AJAP1: variants seen among roughly 807,000 people sequenced by gnomAD.
AJAP1 encodes the protein adherens junctions associated protein 1.
In AJAP1, 5 loss-of-function variants were observed where a neutral mutation model predicts 35.0. The observed-to-expected ratio is 0.14, with a 90% CI of 0.07 to 0.30. The LOEUF is 0.30. Ranked by LOEUF, AJAP1 falls within the 10% of genes least tolerant of loss-of-function variation. The pLI is 1.00. For missense variants in AJAP1, 586 were observed against 571.0 expected, an observed-to-expected ratio of 1.03 and a Z score of -0.27; for synonymous variants, 284 against 249.3, an observed-to-expected ratio of 1.14 and a Z score of -1.31.
chr1:4,733,304 G>T (rs1280160060), intron 2 of AJAP1, among the ~76,000 whole-genome samples: 2 of 151,920 alleles, frequency 1.3e-5, no homozygotes, highest in Non-Finnish European at 2.9e-5. Flanking sequence ...CTTCCCCAAG[G>T]CTGGATGGCC....
chr1:4,763,738 C>G (rs1488854677), intron 2 of AJAP1, among the ~76,000 whole-genome samples: 2 of 150,566 alleles, frequency 1.3e-5, no homozygotes, highest in Non-Finnish European at 1.5e-5. Context: ...CTCTCTTTCT[C>G]TACGCCCTTT....
At chr1:4,772,188 G>C in intron 3 of AJAP1, 92 bp from the exon 4 acceptor site, 2 of 1,541,516 alleles carry the variant, frequency 1.3e-6, no homozygotes, top group South Asian at 2.4e-5. Context: ...GCTCACGCCT[G>C]CAAGCGAAAG....
chr1:4,702,643 C>T (rs1383702807), intron 1 of AJAP1, among the ~76,000 whole-genome samples: 1 of 152,132 alleles, frequency 6.6e-6, no homozygotes, highest in Non-Finnish European at 1.5e-5. Context: ...CCGGTGAGGC[C>T]AGCGGGTGAG....
chr1:4,741,231 G>T (rs143307246), intron 2 of AJAP1, among the ~76,000 whole-genome samples: 10 of 152,278 alleles, frequency 6.6e-5, no homozygotes, highest in South Asian at 4.1e-4. Context: ...TGGAGCTGCC[G>T]CAAGGAAGGA....
rs1322355258 is a variant in AJAP1, at chr1:4,787,855, C to T, written c.*5370C>T. 5 of 434,116 alleles carry T rather than the reference C, an allele frequency of 1.2e-5. No individual in the cohort carries two copies. The highest frequency in any genetic ancestry group is 6.5e-5 in the South Asian group (4 of 61,654). The allele number at this position is 434,116 out of a possible 1,614,324, so 26.9% of individuals were successfully genotyped here. ...GCAGCTGCATCTCCAGAAGCTCCCC[C>T]AGCACTGAGCTCACTTAGTGGCATC... On this transcript the variant is annotated 3_prime_UTR_variant, in exon 6 of 6. Coordinates refer to ENST00000378191, the MANE Select transcript of AJAP1 (RefSeq NM_018836.4).
At chr1:4,748,660 A>G (rs143270264) in intron 2 of AJAP1, among the ~76,000 whole-genome samples, 1,983 of 151,282 alleles carry the variant, frequency 0.013, 35 homozygotes, top group African/African-American at 0.046. Flanking sequence ...AGGCAGGAGA[A>G]TCGCTTAAAC....
chr1:4,766,003 A>G (rs12071255), intron 2 of AJAP1, among the ~76,000 whole-genome samples: 41,090 of 152,120 alleles, frequency 0.27, 6,030 homozygotes, highest in Admixed American at 0.36. Flanking sequence ...TCAAACTAAA[A>G]GATTGCAGTT....
intron 2 of AJAP1, among the ~76,000 whole-genome samples, chr1:4,731,870 G>A (rs1188985061): frequency 3.9e-5 from 6 of 152,230 alleles, no homozygotes; most frequent in South Asian, 4.1e-4. Flanking sequence ...GGTCCTGGGA[G>A]GCTGGGAGCC....
At chr1:4,750,600 C>G (rs1641300726) in intron 2 of AJAP1, among the ~76,000 whole-genome samples, 1 of 151,100 alleles carries the variant, frequency 6.6e-6, no homozygotes, top group Admixed American at 6.6e-5. Context: ...AGAGCAGTGC[C>G]CTCTGCCAGG....
In AJAP1 at chr1:4,772,316, C is replaced by T. The variant is rs773330197; in HGVS notation, c.954C>T (p.His318=). The change falls in exon 4 of 6, where the codon CAC becomes CAT. Residue 318 remains histidine (H), a synonymous_variant. Coordinates refer to ENST00000378191, the MANE Select transcript of AJAP1 (RefSeq NM_018836.4). ...GCGGGAACACTCGTCGGAACAGCCA[C>T]CAGCGGAAGACCAACCAGCAGGAGG... ...AQSGNTRRNS[H]QRKTNQQEES... 1.2e-6 allele frequency: 2 copies of T among 1,614,194 alleles called. No homozygotes were observed. The highest frequency in any genetic ancestry group is 2.2e-5 in the South Asian group (2 of 91,086).
At chr1:4,745,237 T>C (rs1641162307) in intron 2 of AJAP1, among the ~76,000 whole-genome samples, 2 of 152,100 alleles carry the variant, frequency 1.3e-5, no homozygotes, top group Admixed American at 6.5e-5. Flanking sequence ...GGGCGACAAT[T>C]TCCTAAATGA....
Position 4,788,375 on chromosome 1 carries a change from C to T in AJAP1, c.*5890C>T, listed in dbSNP as rs769261704. ...CTGCTATCTTTTAAACCACCCCAGC[C>T]CTCAGTCGAACAGAAAGAATGAGCG... On this transcript the variant is annotated 3_prime_UTR_variant, in exon 6 of 6. Transcript: ENST00000378191. 1.3e-5 allele frequency: 2 copies of T among 152,260 alleles called. No individual in the cohort carries two copies. Among genetic ancestry groups the T allele is most frequent in the Non-Finnish European group, 2.9e-5 (2 of 68,148 alleles). 9.4% of individuals were successfully genotyped at this position (152,260 alleles called of 1,614,324 possible).
chr1:4,735,258 A>G (rs1009661977), intron 2 of AJAP1, among the ~76,000 whole-genome samples: 9 of 152,222 alleles, frequency 5.9e-5, no homozygotes, highest in Non-Finnish European at 1.3e-4. Context: ...AGCTGGTCAC[A>G]GCAGGTCTTT....
intron 1 of AJAP1, among the ~76,000 whole-genome samples, chr1:4,678,319 C>G (rs1320711544): frequency 6.6e-6 from 1 of 152,212 alleles, no homozygotes; most frequent in Non-Finnish European, 1.5e-5. Flanking sequence ...ACATACTGCT[C>G]ATTCACAAAT....
At chr1:4,755,422 C>G (rs1381381992) in intron 2 of AJAP1, among the ~76,000 whole-genome samples, 2 of 151,988 alleles carry the variant, frequency 1.3e-5, no homozygotes, top group African/African-American at 2.4e-5. Context: ...TAACCGTCTC[C>G]CTCCTGCTGG....
chr1:4,675,984 C>G (rs948382940), intron 1 of AJAP1, among the ~76,000 whole-genome samples: 2 of 152,224 alleles, frequency 1.3e-5, no homozygotes, highest in Non-Finnish European at 2.9e-5. Context: ...GGGACGCCCA[C>G]GTTTAGGAGG....
chr1:4,667,027 G>A (rs1219218367), intron 1 of AJAP1, among the ~76,000 whole-genome samples: 3 of 152,144 alleles, frequency 2.0e-5, no homozygotes, highest in South Asian at 4.1e-4. Context: ...TGGGAGCTGC[G>A]TGGGATGGAA....
At chr1:4,676,284 AGAT>A (rs1639360530) in intron 1 of AJAP1, among the ~76,000 whole-genome samples, 2 of 152,350 alleles carry the variant, frequency 1.3e-5, no homozygotes, top group Admixed American at 1.3e-4. Flanking sequence ...TTCCAAAAAA[AGAT>A]GATTTGTGTG....
intron 2 of AJAP1, among the ~76,000 whole-genome samples, chr1:4,749,335 T>C (rs891924650): frequency 1.3e-5 from 2 of 152,182 alleles, no homozygotes; most frequent in African/African-American, 4.8e-5. Context: ...GAAGTCACCT[T>C]GTCCCTGGAA....
Sources: allele counts gnomAD v4.1 joint callset (sites outside exome capture counted in the v4.1 genomes callset), GRCh38; gene constraint gnomAD v4.1.1; transcripts MANE v1.5; gene names NCBI Gene and HGNC (gene_info 2026-07-23, HGNC 2026-07-21).